BCAT1: variants seen among roughly 807,000 people sequenced by gnomAD.
BCAT1 encodes branched chain amino acid transaminase 1.
In BCAT1, 48 loss-of-function variants were observed where a neutral mutation model predicts 52.4. The observed-to-expected ratio is 0.92, with a 90% CI of 0.73 to 1.16. The LOEUF (loss-of-function observed/expected upper bound fraction) is 1.16. Among genes scored for constraint, BCAT1 ranks in the 50% most tolerant of loss-of-function variants. The pLI is 0.00. For synonymous variants in BCAT1, 167 were observed against 161.3 expected (o/e 1.04, Z -0.27); for missense variants, 451 against 457.1 (o/e 0.99, Z 0.12).
At chr12:24,859,270 T>C (rs1941781314) in intron 5 of BCAT1, among the ~76,000 whole-genome samples, 1 of 152,110 alleles carries the variant, frequency 6.6e-6, no homozygotes, top group Non-Finnish European at 1.5e-5. Context: ...AACAACAAAA[T>C]AAAGAAGAAA....
chr12:24,899,507 A>C (rs1943038271), intron 2 of BCAT1, among the ~76,000 whole-genome samples: 1 of 152,168 alleles, frequency 6.6e-6, no homozygotes, highest in Non-Finnish European at 1.5e-5. Flanking sequence ...TAGAATGACC[A>C]TATAAACCAA....
chr12:24,936,736 CACACAT>C (rs1312164647), intron 1 of BCAT1, among the ~76,000 whole-genome samples: 4 of 149,458 alleles, frequency 2.7e-5, no homozygotes, highest in African/African-American at 4.9e-5. Context: ...CACACACACA[CACACAT>C]ACACACACAC....
intron 1 of BCAT1, among the ~76,000 whole-genome samples, chr12:24,924,397 A>C (rs1943549194): frequency 1.3e-5 from 2 of 152,236 alleles, no homozygotes; most frequent in Non-Finnish European, 2.9e-5. Flanking sequence ...TTACATATTA[A>C]TTTAAAAGGA....
intron 8 of BCAT1, among the ~76,000 whole-genome samples, chr12:24,836,149 A>C (rs565036592): frequency 1.3e-5 from 2 of 152,330 alleles, no homozygotes; most frequent in African/African-American, 4.8e-5. Context: ...AAGAAGTATC[A>C]TTGCCATTTG....
At chr12:24,833,051 C>A (rs1451101867) in intron 8 of BCAT1, among the ~76,000 whole-genome samples, 188 bp from the exon 9 acceptor site, 4 of 152,198 alleles carry the variant, frequency 2.6e-5, no homozygotes, top group Non-Finnish European at 5.9e-5. Context: ...TAACCTACTT[C>A]AAGGTCACAG....
At chr12:24,834,195 G>T (rs12228257) in intron 8 of BCAT1, 1 of 975,706 alleles carries the variant, frequency 1.0e-6, no homozygotes, top group African/African-American at 1.8e-5. Flanking sequence ...ATTTTTAAAC[G>T]TTGAATGTAT....
chr12:24,829,967 A>C (rs1472251231), intron 9 of BCAT1, 70 bp from the exon 10 acceptor site: 4 of 1,197,658 alleles, frequency 3.3e-6, no homozygotes, highest in Non-Finnish European at 4.7e-6. Context: ...TAAGACACTC[A>C]AGCAATTCTG....
At chr12:24,837,671 C>T (rs1322519826) in intron 7 of BCAT1, among the ~76,000 whole-genome samples, 1 of 151,976 alleles carries the variant, frequency 6.6e-6, no homozygotes, top group Non-Finnish European at 1.5e-5. Context: ...AGATGATCTG[C>T]CCACTTCGGC....
intron 5 of BCAT1, among the ~76,000 whole-genome samples, chr12:24,855,176 C>T (rs1478833548): frequency 6.6e-6 from 1 of 152,040 alleles, no homozygotes; most frequent in South Asian, 2.1e-4. Context: ...AACATCTTAA[C>T]AGATGTTCCA....
chr12:24,878,726 T>A (rs1942415457), intron 4 of BCAT1, 77 bp from the exon 5 acceptor site: 5 of 1,323,592 alleles, frequency 3.8e-6, no homozygotes, highest in Non-Finnish European at 5.0e-6. Flanking sequence ...CACTGAAGCA[T>A]TTAAACTGTT....
chr12:24,879,122 A>T (rs1406992622), intron 4 of BCAT1, among the ~76,000 whole-genome samples: 1 of 152,140 alleles, frequency 6.6e-6, no homozygotes, highest in Non-Finnish European at 1.5e-5. Context: ...CTGTGACCTT[A>T]AGGTAGGAAA....
chr12:24,932,857 G>C (rs1015461152), intron 1 of BCAT1, among the ~76,000 whole-genome samples: 15 of 152,008 alleles, frequency 9.9e-5, no homozygotes, highest in African/African-American at 3.6e-4. Context: ...CGTCGCCCAG[G>C]CTGGAGTGCA....
At chr12:24,896,668 G>C (rs1225497066) in intron 2 of BCAT1, among the ~76,000 whole-genome samples, 1 of 152,156 alleles carries the variant, frequency 6.6e-6, no homozygotes, top group East Asian at 1.9e-4. Flanking sequence ...TTGGGAGGCT[G>C]AGGCAGGAGA....
intron 1 of BCAT1, among the ~76,000 whole-genome samples, chr12:24,916,096 T>G (rs937602410): frequency 3.3e-5 from 5 of 151,938 alleles, no homozygotes; most frequent in East Asian, 3.9e-4. Context: ...GAAGCAGAGG[T>G]TTCAGTGAGC....
At position 24,926,955 on chromosome 12, in the gene BCAT1, TA is replaced by T. The variant is rs1003792146; in HGVS notation, c.6+21971del. 6.7e-4 allele frequency among the ~76,000 whole-genome samples: 96 copies of T among 142,458 alleles called. 1 individual carries two copies. Among genetic ancestry groups the T allele is most frequent in the South Asian group, 5.3e-3 (24 of 4,546 alleles). 93.5% of individuals were successfully genotyped at this position (142,458 alleles called of 152,430 possible). A position where few individuals can be genotyped will look rare whatever the true frequency, so the allele number is the denominator to read the frequency against. ...CGAGAAACACCCAAGAATGATCAATTAAAAAAAAAAAAACTGCAGACAAATT... is the reference window on the plus strand; with the variant it reads ...CGAGAAACACCCAAGAATGATCAATTAAAAAAAAAAAACTGCAGACAAATT... On this transcript the variant is annotated intron_variant, in intron 1 of 10. Coordinates refer to ENST00000261192, the MANE Select transcript of BCAT1 (RefSeq NM_005504.7).
intron 2 of BCAT1, among the ~76,000 whole-genome samples, chr12:24,899,414 G>A (rs139161069): frequency 6.6e-6 from 1 of 151,982 alleles, no homozygotes; most frequent in Admixed American, 6.6e-5. Context: ...AAAAGAGAAC[G>A]CTTATACACT....
At chr12:24,922,948 T>G (rs1045771903) in intron 1 of BCAT1, among the ~76,000 whole-genome samples, 4 of 152,054 alleles carry the variant, frequency 2.6e-5, no homozygotes, top group Admixed American at 1.3e-4. Flanking sequence ...ATCAGACATG[T>G]GCTTCCCAGA....
chr12:24,851,549 G>A (rs1941511153), intron 5 of BCAT1, among the ~76,000 whole-genome samples: 1 of 152,214 alleles, frequency 6.6e-6, no homozygotes. Flanking sequence ...AGCATTCCAT[G>A]GGAACATGAC....
At chr12:24,911,099 TAA>T (rs752444346) in intron 1 of BCAT1, among the ~76,000 whole-genome samples, 1 of 140,726 alleles carries the variant, frequency 7.1e-6, no homozygotes. Flanking sequence ...GAGACTGTCT[TAA>T]AAAAAAAAAA....
Sources: allele counts gnomAD v4.1 joint callset (sites outside exome capture counted in the v4.1 genomes callset), GRCh38; gene constraint gnomAD v4.1.1; transcripts MANE v1.5; gene names NCBI Gene and HGNC (gene_info 2026-07-23, HGNC 2026-07-21).